The following MAST4 variants were observed in gnomAD, a reference collection of about 807,000 sequenced individuals.
MAST4 encodes microtubule-associated serine/threonine-protein kinase 4.
In MAST4, 89 loss-of-function variants were observed where a neutral mutation model predicts 162.7. That is an observed-to-expected ratio of 0.55 (90% CI 0.46 to 0.65). MAST4 has a LOEUF of 0.65. Among genes scored for constraint, MAST4 ranks in the 30% least tolerant of loss-of-function variants. The pLI, the probability that MAST4 is intolerant of heterozygous loss-of-function variation, is 0.00. For synonymous variants in MAST4, 1,479 were observed against 1,361.1 expected, an observed-to-expected ratio of 1.09 and a Z score of -1.91; for missense variants, 3,153 against 3,374.0, an observed-to-expected ratio of 0.93 and a Z score of 1.62.
chr5:66,892,077 A>G (rs550628601), intron 3 of MAST4, among the ~76,000 whole-genome samples: 26 of 152,340 alleles, frequency 1.7e-4, no homozygotes, highest in Admixed American at 1.6e-3. Flanking sequence ...CTGAGCAAAC[A>G]TCATTTTGCA....
At chr5:66,859,487 C>G (rs1309739590) in intron 3 of MAST4, among the ~76,000 whole-genome samples, 1 of 152,144 alleles carries the variant, frequency 6.6e-6, no homozygotes, top group African/African-American at 2.4e-5. Flanking sequence ...TCTTGCCTCC[C>G]CATTACCTTA....
At chr5:66,883,378 C>G (rs1378261205) in intron 3 of MAST4, among the ~76,000 whole-genome samples, 1 of 149,502 alleles carries the variant, frequency 6.7e-6, no homozygotes, top group Non-Finnish European at 1.5e-5. Flanking sequence ...AAAGATAAGC[C>G]TTGGCCATTG....
chr5:66,916,486 G>A (rs573385229), intron 4 of MAST4, among the ~76,000 whole-genome samples: 5 of 152,270 alleles, frequency 3.3e-5, no homozygotes, highest in Admixed American at 6.5e-5. Context: ...ACATAGTTTT[G>A]AAAATTATGA....
At chr5:67,061,592 T>G (rs553079082) in intron 5 of MAST4, among the ~76,000 whole-genome samples, 6 of 151,614 alleles carry the variant, frequency 4.0e-5, no homozygotes, top group Admixed American at 6.6e-5. Context: ...GTCTTTTTTT[T>G]ATTCTTCTGA....
At chr5:66,795,290 T>C (rs1580468276) in intron 3 of MAST4, among the ~76,000 whole-genome samples, 1 of 152,252 alleles carries the variant, frequency 6.6e-6, no homozygotes, top group Admixed American at 6.5e-5. Context: ...GGATTTATCA[T>C]AATTTACTAA....
At chr5:66,969,986 G>A (rs534243539) in intron 4 of MAST4, among the ~76,000 whole-genome samples, 2 of 152,264 alleles carry the variant, frequency 1.3e-5, no homozygotes, top group African/African-American at 4.8e-5. Flanking sequence ...TGAATTCCTG[G>A]AATTTTATTT....
chr5:67,081,933 A>T (rs1168094848), intron 5 of MAST4, among the ~76,000 whole-genome samples: 2 of 152,188 alleles, frequency 1.3e-5, no homozygotes, highest in African/African-American at 4.8e-5. Flanking sequence ...CTTGACAGTG[A>T]GGAACTGGTG....
chr5:67,126,915 T>A (rs1351912269), intron 14 of MAST4, among the ~76,000 whole-genome samples: 1 of 152,254 alleles, frequency 6.6e-6, no homozygotes, highest in Non-Finnish European at 1.5e-5. Context: ...CTCTCTTACT[T>A]CCTTGAGCAG....
intron 1 of MAST4, among the ~76,000 whole-genome samples, chr5:66,613,108 G>A (rs991403648): frequency 1.2e-4 from 19 of 152,010 alleles, no homozygotes; most frequent in African/African-American, 4.1e-4. Flanking sequence ...ATAGAGACAG[G>A]GTCTTGCTGT....
At position 66,795,961 on chromosome 5, in the gene MAST4, C is replaced by A. The variant is rs558148005; in HGVS notation, c.642+7167C>A. On this transcript the variant is annotated intron_variant, in intron 3 of 28. Transcript: ENST00000403625. ...GGAGTAATACATCTCATAGTTATTA[C>A]CCTCTGAGCTAGGTTCTGTTTATAG... 4.0e-4 allele frequency among the ~76,000 whole-genome samples: 61 copies of A among 152,222 alleles called. 1 individual carries two copies. The highest frequency in any genetic ancestry group is 2.7e-3 in the South Asian group (13 of 4,820).
intron 6 of MAST4, among the ~76,000 whole-genome samples, chr5:67,094,661 G>A (rs138405643): frequency 1.5e-3 from 227 of 152,214 alleles, no homozygotes; most frequent in African/African-American, 5.3e-3. Flanking sequence ...GAATGCCAGA[G>A]ATTTCAGAAA....
At chr5:67,055,408 C>T (rs1423538496) in intron 5 of MAST4, among the ~76,000 whole-genome samples, 1 of 152,162 alleles carries the variant, frequency 6.6e-6, no homozygotes, top group African/African-American at 2.4e-5. Context: ...TAATTTGATA[C>T]TCATGTGTTC....
chr5:66,919,896 CTCTCCTTCCTTCCTTCCTTCCTTCCT>C (rs1444443222), intron 4 of MAST4, among the ~76,000 whole-genome samples: 1 of 146,802 alleles, frequency 6.8e-6, no homozygotes, highest in Non-Finnish European at 1.5e-5. Flanking sequence ...CTATTTTTCT[CTCTCCTTCCTTCCTTCCTTCCTTCCT>C]TCCTTCCTTC....
intron 2 of MAST4, among the ~76,000 whole-genome samples, chr5:66,779,883 C>T (rs1235940640): frequency 6.6e-6 from 1 of 152,046 alleles, no homozygotes. Context: ...AAACTCATTT[C>T]CCCTAACTTA....
At chr5:66,833,774 A>G (rs989215734) in intron 3 of MAST4, among the ~76,000 whole-genome samples, 6 of 152,228 alleles carry the variant, frequency 3.9e-5, no homozygotes, top group Non-Finnish European at 5.9e-5. Context: ...ATCTAATCCT[A>G]TAACATGCAT....
At chr5:66,937,207 G>T (rs751140651) in intron 4 of MAST4, among the ~76,000 whole-genome samples, 5 of 152,130 alleles carry the variant, frequency 3.3e-5, no homozygotes, top group Non-Finnish European at 7.4e-5. Flanking sequence ...TATTGGGGAG[G>T]TACAGTGAAC....
chr5:66,701,124 A>G (rs1749751643), intron 1 of MAST4, among the ~76,000 whole-genome samples: 2 of 152,198 alleles, frequency 1.3e-5, no homozygotes, highest in Non-Finnish European at 2.9e-5. Flanking sequence ...TGAAGTCATT[A>G]CTAGTGCATT....
intron 1 of MAST4, among the ~76,000 whole-genome samples, chr5:66,757,278 A>C (rs1161988029): frequency 1.3e-5 from 2 of 152,174 alleles, no homozygotes; most frequent in African/African-American, 4.8e-5. Flanking sequence ...TGTCACTCAT[A>C]ATTAAGAGAA....
At chr5:66,870,778 G>T (rs1404775320) in intron 3 of MAST4, 5 of 471,156 alleles carry the variant, frequency 1.1e-5, no homozygotes, top group Admixed American at 9.4e-5. Context: ...TCACTGTCAG[G>T]AAGGGCAGCC....
Sources: allele counts gnomAD v4.1 joint callset (sites outside exome capture counted in the v4.1 genomes callset), GRCh38; gene constraint gnomAD v4.1.1; transcripts MANE v1.5; gene names NCBI Gene and HGNC (gene_info 2026-07-23, HGNC 2026-07-21).